ZP2: variants seen among roughly 807,000 people sequenced by gnomAD.
ZP2 encodes zona pellucida sperm-binding protein 2.
In ZP2, 51 loss-of-function variants were observed where a neutral mutation model predicts 84.0. That is an observed-to-expected ratio of 0.61 (90% confidence interval 0.49 to 0.77). ZP2 has a LOEUF of 0.77. Ranked by LOEUF, ZP2 falls within the 30% of genes least tolerant of loss-of-function variation. The pLI, the probability that ZP2 is intolerant of heterozygous loss-of-function variation, is 0.00. For synonymous variants in ZP2, 375 were observed against 330.9 expected, an observed-to-expected ratio of 1.13 and a Z score of -1.45; for missense variants, 909 against 911.9, an observed-to-expected ratio of 1.00 and a Z score of 0.04.
At chr16:21,213,546 T>A (rs1391850021), upstream of ZP2, among the ~76,000 whole-genome samples, 1 of 152,208 alleles carries the variant, frequency 6.6e-6, no homozygotes, top group Non-Finnish European at 1.5e-5. Flanking sequence ...ACCCAAAAGC[T>A]GCTGAATTAG....
chr16:21,210,146 G>T lies in ZP2; in HGVS notation c.198C>A (p.Ser66Arg), dbSNP rs774367978. Reference protein sequence around the residue: ...DEREITVEFPSSPGTKKWHAS... With the variant: ...DEREITVEFPRSPGTKKWHAS... Reference sequence around the variant, plus strand: ...CATGCCATTTCTTGGTGCCAGGACTGCTTGGGAACTCCACTGTTATTTCCC... The same window carrying T: ...CATGCCATTTCTTGGTGCCAGGACTTCTTGGGAACTCCACTGTTATTTCCC... Residue 66 changes from serine to arginine, a missense_variant, in exon 3 of 19, where the codon AGC (serine) becomes AGA (arginine). Physicochemically the swap from Ser to Arg is moderately radical, Grantham distance 110. Coordinates refer to ENST00000574091, the MANE Select transcript of ZP2 (RefSeq NM_001376232.1). The T allele has an allele frequency of 4.3e-6, 7 of 1,614,054 alleles. No homozygotes were observed. Among genetic ancestry groups the T allele is most frequent in the Non-Finnish European group, 5.1e-6 (6 of 1,180,004 alleles).
rs377435401 is a variant in ZP2 at position 21,202,053 on chromosome 16, C to T, written c.1288-30G>A. ...AATGTCAGAGAAAGTGGGTTAGCAG[C>T]CAGTTATGTCAAAGATGAGACTTAA... On this transcript the variant is annotated intron_variant, in intron 11 of 18. Coordinates refer to ENST00000574091, the MANE Select transcript of ZP2 (RefSeq NM_001376232.1). 4 of 1,613,542 alleles carry T rather than the reference C, an allele frequency of 2.5e-6. No individual in the cohort carries two copies. In the South Asian group the frequency reaches 4.4e-5, roughly 18 times the overall value.
intron 4 of ZP2, among the ~76,000 whole-genome samples, chr16:21,207,607 G>C (rs540055794): frequency 6.6e-6 from 1 of 151,850 alleles, no homozygotes; most frequent in Non-Finnish European, 1.5e-5. Context: ...GCAACATGGT[G>C]AGAGACTCCA....
At chr16:21,202,741 G>T (rs1191039968) in intron 10 of ZP2, among the ~76,000 whole-genome samples, 2 of 150,688 alleles carry the variant, frequency 1.3e-5, no homozygotes, top group African/African-American at 4.9e-5. Context: ...TTAAACAGAA[G>T]CACATGGTGG....
At chr16:21,209,601 C>T in intron 4 of ZP2, 30 bp downstream of exon 4, 1 of 1,602,238 alleles carries the variant, frequency 6.2e-7, no homozygotes, top group Non-Finnish European at 8.6e-7. Flanking sequence ...CTACGTACTT[C>T]CCCAAGAACT....
At chr16:21,198,973 T>G in intron 16 of ZP2, 111 bp from the exon 17 acceptor site, 1 of 1,008,072 alleles carries the variant, frequency 9.9e-7, no homozygotes, top group Non-Finnish European at 1.5e-6. Context: ...TTCATGTGGT[T>G]TGTCTTGCCT....
rs1324513903 is a variant in ZP2 at position 21,211,573 on chromosome 16, A to G, written c.-26T>C. 2.5e-6 allele frequency: 4 copies of G among 1,613,984 alleles called. No individual in the cohort carries two copies. The highest frequency in any genetic ancestry group is 2.2e-5 in the East Asian group (1 of 44,868). ...AGCAGAAGACACTACCAGATCAACC[A>G]GGTAGAGGGTAGGCTGCTCTGTGTT... is the stretch of plus-strand genomic sequence containing the variant. On this transcript the variant is annotated 5_prime_UTR_variant, in exon 1 of 19. Coordinates refer to ENST00000574091, the MANE Select transcript of ZP2 (RefSeq NM_001376232.1).
intron 4 of ZP2, among the ~76,000 whole-genome samples, chr16:21,207,742 G>T (rs1480886047): frequency 2.6e-5 from 4 of 152,016 alleles, no homozygotes; most frequent in Admixed American, 6.6e-5. Context: ...GGCAGGCTGA[G>T]GTGGTACTGA....
intron 14 of ZP2, among the ~76,000 whole-genome samples, chr16:21,200,130 A>G (rs758511325): frequency 6.6e-6 from 1 of 152,184 alleles, no homozygotes; most frequent in Non-Finnish European, 1.5e-5. Context: ...TACAAATTAT[A>G]TCATTTCAGA....
intron 7 of ZP2, 48 bp downstream of exon 7, chr16:21,205,372 A>G (rs747911863): frequency 2.5e-6 from 4 of 1,589,996 alleles, no homozygotes; most frequent in Admixed American, 3.5e-5. Context: ...TCAATTTAGG[A>G]ATACTGGCCT....
rs1045836850 is a variant in ZP2, at chr16:21,209,912, G to A, written c.236-187C>T. On this transcript the variant is annotated intron_variant, in intron 3 of 18. Transcript: ENST00000574091. ...CAGCCAGAGGCTTCCCAGAGATGCT[G>A]GCATAAGACACACTTTCGAAGACAG... is the stretch of plus-strand genomic sequence containing the variant. 57 of 691,382 alleles carry A rather than the reference G, an allele frequency of 8.2e-5. No individual in the cohort carries two copies. In the African/African-American group the frequency reaches 9.1e-4, roughly 11 times the overall value. 42.8% of individuals were successfully genotyped at this position (691,382 alleles called of 1,614,324 possible). A position where few individuals can be genotyped will look rare whatever the true frequency, so the allele number is the denominator to read the frequency against.
intron 16 of ZP2, among the ~76,000 whole-genome samples, chr16:21,199,199 A>G (rs2093213398): frequency 6.6e-6 from 1 of 151,470 alleles, no homozygotes; most frequent in Admixed American, 6.6e-5. Context: ...GGGGGTTCCT[A>G]TAATCCCAGC....
At chr16:21,209,188 G>T (rs1051490572) in intron 4 of ZP2, among the ~76,000 whole-genome samples, 1 of 152,100 alleles carries the variant, frequency 6.6e-6, no homozygotes, top group African/African-American at 2.4e-5. Context: ...CCCTCCTCCA[G>T]ACAGTTTTGC....
Position 21,201,815 on chromosome 16 carries a change from ACACTT to A in ZP2, c.1390_1394del (p.Lys464PhefsTer3). On this transcript the variant is annotated frameshift_variant, in exon 13 of 19. Coordinates refer to ENST00000574091, the MANE Select transcript of ZP2 (RefSeq NM_001376232.1). LOFTEE classifies it high-confidence loss of function. ...GTAGCATGTCATTCCTGCTATAAGA[ACACTT>A]CACTGTCATTCTGTAAGAGTTTGGA... The A allele has an allele frequency of 6.2e-7, 1 of 1,614,126 alleles. No homozygotes were observed. The highest frequency in any genetic ancestry group is 8.5e-7 in the Non-Finnish European group (1 of 1,179,998).
At chr16:21,207,092 TA>T in intron 4 of ZP2, 102 bp from the exon 5 acceptor site, 1 of 1,380,152 alleles carries the variant, frequency 7.2e-7, no homozygotes. Context: ...TTAAAGTTAC[TA>T]ATACCACAAG....
chr16:21,209,791 G>A, intron 3 of ZP2, 66 bp from the exon 4 acceptor site: 1 of 1,409,346 alleles, frequency 7.1e-7, no homozygotes, highest in Non-Finnish European at 1.0e-6. Context: ...CAAAGCTATA[G>A]AGTCAAGACC....
chr16:21,204,162 A>G lies in ZP2; in HGVS notation c.840T>C (p.Phe280=). The change falls in exon 9 of 19, where the codon TTT becomes TTC. Residue 280 remains phenylalanine, a synonymous_variant. Coordinates refer to ENST00000574091, the MANE Select transcript of ZP2 (RefSeq NM_001376232.1). ...ATHMTLTIPE[F]PGKLKSVSFE... is the part of the protein sequence containing the mutation. Reference sequence around the variant, plus strand: ...AGCTCACAGACTTAAGCTTCCCAGGAAACTCTGGTATGGTGAGAGTCATGT... The same window carrying G: ...AGCTCACAGACTTAAGCTTCCCAGGGAACTCTGGTATGGTGAGAGTCATGT... 2 of 1,614,192 alleles carry G rather than the reference A, an allele frequency of 1.2e-6. No homozygotes were observed. The highest frequency in any genetic ancestry group is 1.6e-4 in the Middle Eastern group (1 of 6,062).
At position 21,199,723 on chromosome 16, in the gene ZP2, G is replaced by T; in HGVS notation, c.1830+20C>A. On this transcript the variant is annotated intron_variant, in intron 15 of 18. Coordinates refer to ENST00000574091, the MANE Select transcript of ZP2 (RefSeq NM_001376232.1). ...TGCACTAACATTTAACCTGTCCCTG[G>T]TGACTTCTGAATCACTTACCAGGCT... 5.0e-6 allele frequency: 8 copies of T among 1,613,810 alleles called. No individual in the cohort carries two copies. Among genetic ancestry groups the T allele is most frequent in the Non-Finnish European group, 6.8e-6 (8 of 1,179,836 alleles).
chr16:21,200,075 A>G (rs2093218265), intron 14 of ZP2, among the ~76,000 whole-genome samples, 197 bp from the exon 15 acceptor site: 2 of 152,318 alleles, frequency 1.3e-5, no homozygotes, highest in South Asian at 2.1e-4. Context: ...GACTAGTTAT[A>G]TTTTAACTAT....
Sources: allele counts gnomAD v4.1 joint callset (sites outside exome capture counted in the v4.1 genomes callset), GRCh38; gene constraint gnomAD v4.1.1; transcripts MANE v1.5; gene names NCBI Gene and HGNC (gene_info 2026-07-23, HGNC 2026-07-21).